YTHDC2: variants seen among roughly 807,000 people sequenced by gnomAD.
YTHDC2 encodes 3'-5' RNA helicase YTHDC2.
A neutral mutation model predicts 174.9 loss-of-function variants in YTHDC2; 45 were observed. The observed-to-expected ratio is 0.26, with a 90% CI of 0.20 to 0.33. The LOEUF (loss-of-function observed/expected upper bound fraction) is 0.33, where lower values mean the gene tolerates loss of function less well. YTHDC2 is among the 10% of genes least tolerant of loss of function. YTHDC2 has a pLI of 1.00. For synonymous variants in YTHDC2, 657 were observed against 574.5 expected (o/e 1.14, Z -2.05); for missense variants, 1,650 against 1,723.7 (o/e 0.96, Z 0.76).
rs570870606 is a variant in YTHDC2 at position 113,521,526 on chromosome 5, T to C, written c.279-3455T>C. 1.3e-4 allele frequency among the ~76,000 whole-genome samples: 20 copies of C among 151,382 alleles called. No homozygotes were observed. The East Asian group carries it at 2.7e-3, about 21-fold the overall frequency. On this transcript the variant is annotated intron_variant, in intron 2 of 29. Transcript: ENST00000161863. Reference sequence around the variant, plus strand: ...TGGGTGGATCACCTGAGGTCAGGAGTTCCAGACCAGCCTGACTAATATGGT... The same window carrying C: ...TGGGTGGATCACCTGAGGTCAGGAGCTCCAGACCAGCCTGACTAATATGGT...
Position 113,594,832 on chromosome 5 carries a change from G to C in YTHDC2, c.*1358G>C, listed in dbSNP as rs1779179444. ...ATTTGAGAACACGTGAAAAATCATG[G>C]GTCAACATAAAATCTTGAGAACCTT... On this transcript the variant is annotated 3_prime_UTR_variant, in exon 30 of 30. Transcript: ENST00000161863. 6.6e-6 allele frequency: 1 copy of C among 152,034 alleles called. No individual in the cohort carries two copies. The highest frequency in any genetic ancestry group is 1.5e-5 in the Non-Finnish European group (1 of 67,982). 9.4% of individuals were successfully genotyped at this position (152,034 alleles called of 1,614,324 possible). A position where few individuals can be genotyped will look rare whatever the true frequency, so the allele number is the denominator to read the frequency against.
chr5:113,539,963 G>A (rs959766253), intron 8 of YTHDC2, among the ~76,000 whole-genome samples: 1 of 152,132 alleles, frequency 6.6e-6, no homozygotes, highest in African/African-American at 2.4e-5. Flanking sequence ...GTGCATTGGT[G>A]CAATCATGGC....
chr5:113,561,672 G>C (rs1367054890), intron 18 of YTHDC2, among the ~76,000 whole-genome samples: 4 of 151,736 alleles, frequency 2.6e-5, no homozygotes, highest in Admixed American at 2.6e-4. Flanking sequence ...TTTCACCATC[G>C]TGACCAGCCT....
intron 18 of YTHDC2, among the ~76,000 whole-genome samples, chr5:113,561,575 TC>T (rs1205883057): frequency 6.6e-6 from 1 of 151,732 alleles, no homozygotes; most frequent in Non-Finnish European, 1.5e-5. Context: ...TTCAAGCGAT[TC>T]TCTGGCCTCA....
chr5:113,548,891 A>G, intron 11 of YTHDC2, 64 bp from the exon 12 acceptor site: 2 of 1,481,992 alleles, frequency 1.3e-6, no homozygotes, highest in Non-Finnish European at 1.8e-6. Flanking sequence ...GATGTTGCCC[A>G]GGCTCATCAT....
chr5:113,573,735 A>G (rs1393221781), intron 23 of YTHDC2, among the ~76,000 whole-genome samples: 2 of 151,644 alleles, frequency 1.3e-5, no homozygotes, highest in East Asian at 3.9e-4. Context: ...AAGCTCTGAG[A>G]TTCTATTCTC....
At chr5:113,526,436 G>A in intron 3 of YTHDC2, 150 bp from the exon 4 acceptor site, 1 of 526,114 alleles carries the variant, frequency 1.9e-6, no homozygotes, top group Non-Finnish European at 3.2e-6. Context: ...TATGTAGACT[G>A]AGTAGAGAAG....
chr5:113,541,601 C>G (rs560149912), intron 9 of YTHDC2, among the ~76,000 whole-genome samples: 1 of 151,942 alleles, frequency 6.6e-6, no homozygotes, highest in African/African-American at 2.4e-5. Flanking sequence ...ATAATTTACC[C>G]TTTTTTTGAG....
chr5:113,548,209 G>C (rs1195465020), intron 10 of YTHDC2, among the ~76,000 whole-genome samples: 1 of 152,170 alleles, frequency 6.6e-6, no homozygotes, highest in Non-Finnish European at 1.5e-5. Flanking sequence ...GTAATATCTA[G>C]ATTTAGGAAG....
Position 113,581,507 on chromosome 5 carries a change from G to A in YTHDC2, c.3445G>A (p.Asp1149Asn). 6.2e-7 allele frequency: 1 copy of A among 1,613,982 alleles called. No homozygotes were observed. Among genetic ancestry groups the A allele is most frequent in the African/African-American group, 1.3e-5 (1 of 75,036 alleles). Reference sequence around the variant, plus strand: ...TCCATCTAAACCTTGGTCTCAAGTTGATGAAGCTACCATAAGAGCAATTAT... The same window carrying A: ...TCCATCTAAACCTTGGTCTCAAGTTAATGAAGCTACCATAAGAGCAATTAT... Reference protein sequence around the residue: ...RAPSKPWSQVDEATIRAIIAV... With the variant: ...RAPSKPWSQVNEATIRAIIAV... Residue 1149 changes from aspartate to asparagine, a missense_variant, in exon 25 of 30, where the codon GAT becomes AAT. Around this residue, in one of 5 missense-constraint regions of YTHDC2, gnomAD observed 913 missense variants for 940.4 expected, o/e 0.97. Transcript: ENST00000161863.
intron 9 of YTHDC2, 62 bp downstream of exon 9, chr5:113,541,178 T>C: frequency 6.3e-7 from 1 of 1,577,148 alleles, no homozygotes; most frequent in Non-Finnish European, 8.6e-7. Flanking sequence ...TAAAGAACAT[T>C]TTATGAGCTT....
Position 113,584,488 on chromosome 5 carries a change from A to T in YTHDC2, c.3825+9A>T. 6.3e-7 allele frequency: 1 copy of T among 1,593,156 alleles called. No homozygotes were observed. The highest frequency in any genetic ancestry group is 8.6e-7 in the Non-Finnish European group (1 of 1,168,616). On this transcript the variant is annotated intron_variant, in intron 26 of 29. Transcript: ENST00000161863. ...CTCCATCCTCAGGAAAGGTAAGAGT[A>T]TCTGAAAGAAAATGTAGTAAGGAAC...
At chr5:113,546,976 GAA>G (rs1775925164) in intron 10 of YTHDC2, among the ~76,000 whole-genome samples, 1 of 152,118 alleles carries the variant, frequency 6.6e-6, no homozygotes, top group African/African-American at 2.4e-5. Context: ...AAGAGAGAAA[GAA>G]AAAGAGCAGG....
rs565965184 is a variant in YTHDC2, at chr5:113,593,567, G to A, written c.*93G>A. On this transcript the variant is annotated 3_prime_UTR_variant, in exon 30 of 30. Coordinates refer to ENST00000161863, the MANE Select transcript of YTHDC2 (RefSeq NM_022828.5). Reference sequence around the variant, plus strand: ...AAAACTGAGGTGGGGTGTGTGTTACGAATGGGCTTTTTAACACTTTTAGAG... The same window carrying A: ...AAAACTGAGGTGGGGTGTGTGTTACAAATGGGCTTTTTAACACTTTTAGAG... 1.8e-5 allele frequency: 9 copies of A among 486,858 alleles called. No homozygotes were observed. The highest frequency in any genetic ancestry group is 1.7e-4 in the South Asian group (5 of 29,288). 30.2% of individuals were successfully genotyped at this position (486,858 alleles called of 1,614,324 possible). A position where few individuals can be genotyped will look rare whatever the true frequency, so the allele number is the denominator to read the frequency against.
At chr5:113,563,602 C>T (rs1777146678) in intron 19 of YTHDC2, 110 bp downstream of exon 19, 4 of 1,241,530 alleles carry the variant, frequency 3.2e-6, no homozygotes, top group Non-Finnish European at 4.4e-6. Context: ...TTTTGTCCTC[C>T]TGCATGTGTC....
intron 10 of YTHDC2, among the ~76,000 whole-genome samples, chr5:113,547,323 C>G (rs1323238756): frequency 1.3e-5 from 2 of 152,162 alleles, no homozygotes. Flanking sequence ...GAATCTGAAT[C>G]TCTGAGTAAG....
At chr5:113,562,615 T>G (rs1471854567) in intron 18 of YTHDC2, among the ~76,000 whole-genome samples, 2 of 152,176 alleles carry the variant, frequency 1.3e-5, no homozygotes, top group Non-Finnish European at 2.9e-5. Flanking sequence ...CACCATTGGT[T>G]TTAGTTTCTC....
chr5:113,593,554 G>T lies in YTHDC2; in HGVS notation c.*80G>T. On this transcript the variant is annotated 3_prime_UTR_variant, in exon 30 of 30. Coordinates refer to ENST00000161863, the MANE Select transcript of YTHDC2 (RefSeq NM_022828.5). ...GCACTGACTTTCAAAAACTGAGGTG[G>T]GGTGTGTGTTACGAATGGGCTTTTT... is the stretch of plus-strand genomic sequence containing the variant. The T allele has an allele frequency of 3.8e-6, 2 of 531,288 alleles. No homozygotes were observed. The highest frequency in any genetic ancestry group is 6.6e-6 in the Non-Finnish European group (2 of 304,468). 32.9% of individuals were successfully genotyped at this position (531,288 alleles called of 1,614,324 possible).
At chr5:113,547,453 A>G (rs1775957456) in intron 10 of YTHDC2, among the ~76,000 whole-genome samples, 2 of 152,186 alleles carry the variant, frequency 1.3e-5, no homozygotes, top group Admixed American at 6.5e-5. Flanking sequence ...CCAAATCCGT[A>G]AAATGCACAA....
Sources: allele counts gnomAD v4.1 joint callset (sites outside exome capture counted in the v4.1 genomes callset), GRCh38; gene constraint gnomAD v4.1.1; regional missense constraint gnomAD v4.1.1; transcripts MANE v1.5; gene names NCBI Gene and HGNC (gene_info 2026-07-23, HGNC 2026-07-21).